The following TRAF3IP2 variants were observed in gnomAD, a reference collection of about 807,000 sequenced individuals.
The protein encoded by TRAF3IP2 is E3 ubiquitin ligase TRAF3IP2.
A neutral mutation model predicts 57.9 loss-of-function variants in TRAF3IP2; 35 were observed. That is an observed-to-expected ratio of 0.60 (90% CI 0.46 to 0.80). The LOEUF (loss-of-function observed/expected upper bound fraction) is 0.80, where lower values mean the gene tolerates loss of function less well. Among genes scored for constraint, TRAF3IP2 ranks in the 30% least tolerant of loss-of-function variants. The pLI, the probability that TRAF3IP2 is intolerant of heterozygous loss-of-function variation, is 0.00. For missense variants in TRAF3IP2, 556 were observed against 706.4 expected (o/e 0.79, Z 2.41); for synonymous variants, 251 against 268.9 (o/e 0.93, Z 0.65).
chr6:111,560,284 C>CA (rs764771623), intron 8 of TRAF3IP2, among the ~76,000 whole-genome samples: 15 of 152,268 alleles, frequency 9.9e-5, no homozygotes, highest in Admixed American at 3.3e-4. Flanking sequence ...TGTCTGGGTC[C>CA]AGGCAGATAG....
chr6:111,571,078 C>CT lies in TRAF3IP2; in HGVS notation c.1290+1816dup, dbSNP rs1279272695. ...CACACCACCATGCCAACTTTTTTTTCTTTTTTTTTTTTTTTGAGACAGAGC... is the reference window on the plus strand; with the variant it reads ...CACACCACCATGCCAACTTTTTTTTCTTTTTTTTTTTTTTTTGAGACAGAGC... On this transcript the variant is annotated intron_variant, in intron 5 of 8. Coordinates refer to ENST00000368761, the MANE Select transcript of TRAF3IP2 (RefSeq NM_147686.4). Among the ~76,000 whole-genome samples, 673 of 130,726 alleles carry CT rather than the reference C, an allele frequency of 5.1e-3. 5 individuals are homozygous for CT. The highest frequency in any genetic ancestry group is 0.011 in the African/African-American group (400 of 35,704). The allele number at this position is 130,726 out of a possible 152,430, so 85.8% of individuals were successfully genotyped here. A position where few individuals can be genotyped will look rare whatever the true frequency, so the allele number is the denominator to read the frequency against.
At chr6:111,589,071 CTTT>C (rs372254400) in intron 2 of TRAF3IP2, among the ~76,000 whole-genome samples, 2 of 123,138 alleles carry the variant, frequency 1.6e-5, no homozygotes, top group Non-Finnish European at 1.6e-5. Flanking sequence ...GAAAAATTAT[CTTT>C]TTTTTTTTTT....
chr6:111,593,462 C>G (rs930062717), intron 1 of TRAF3IP2, among the ~76,000 whole-genome samples: 1 of 152,214 alleles, frequency 6.6e-6, no homozygotes. Flanking sequence ...GCTCCCCTTT[C>G]ACACAGATGG....
intron 1 of TRAF3IP2, chr6:111,600,099 G>T (rs1796818217): frequency 6.6e-6 from 1 of 152,204 alleles, no homozygotes; most frequent in African/African-American, 2.4e-5. Flanking sequence ...TGAGGATAAA[G>T]AGTAGATGTA....
intron 7 of TRAF3IP2, among the ~76,000 whole-genome samples, chr6:111,564,953 G>T (rs2128370570): frequency 6.6e-6 from 1 of 152,294 alleles, no homozygotes; most frequent in South Asian, 2.1e-4. Flanking sequence ...ACAACCAAGG[G>T]CCGGCAGCAC....
intron 8 of TRAF3IP2, among the ~76,000 whole-genome samples, chr6:111,562,325 C>T (rs1023874359): frequency 6.6e-6 from 1 of 152,206 alleles, no homozygotes; most frequent in African/African-American, 2.4e-5. Flanking sequence ...AAAAACCATA[C>T]ACATCTTGAC....
intron 2 of TRAF3IP2, among the ~76,000 whole-genome samples, chr6:111,583,184 T>A (rs1024545431): frequency 1.3e-5 from 2 of 152,226 alleles, no homozygotes; most frequent in African/African-American, 4.8e-5. Context: ...CCAAGGATAG[T>A]ACTGGCACCC....
rs9487669 is a variant in TRAF3IP2, at chr6:111,558,883, A to G, written c.*522T>C. On this transcript the variant is annotated 3_prime_UTR_variant, in exon 9 of 9. Transcript: ENST00000368761. ...AGCTTTGTTGATGTCCCTGGAAGCAACTGCCCATATCATTATAAATTATAT... is the reference window on the plus strand; with the variant it reads ...AGCTTTGTTGATGTCCCTGGAAGCAGCTGCCCATATCATTATAAATTATAT... The G allele has an allele frequency of 0.058, 8,823 of 152,400 alleles. 451 individuals are homozygous for G. The highest frequency in any genetic ancestry group is 0.13 in the African/African-American group (5,529 of 41,544). 9.4% of individuals were successfully genotyped at this position (152,400 alleles called of 1,614,324 possible).
intron 4 of TRAF3IP2, among the ~76,000 whole-genome samples, chr6:111,575,287 A>G (rs956798414): frequency 2.0e-4 from 30 of 151,836 alleles, no homozygotes; most frequent in African/African-American, 4.6e-4. Flanking sequence ...AAAGTATAAG[A>G]CCTCACAAGA....
intron 5 of TRAF3IP2, among the ~76,000 whole-genome samples, chr6:111,571,039 T>C (rs1583221161): frequency 6.6e-6 from 1 of 151,890 alleles, no homozygotes; most frequent in African/African-American, 2.4e-5. Context: ...CCCAAGTAGC[T>C]GGGACTACAG....
At position 111,575,741 on chromosome 6, in the gene TRAF3IP2, T is replaced by C. The variant is rs1225274539; in HGVS notation, c.1103A>G (p.Gln368Arg). Residue 368 changes from glutamine to arginine, a missense_variant, in exon 4 of 9, where the codon CAG becomes CGG. Gln to Arg is a conservative substitution (Grantham distance 43, BLOSUM62 1). Coordinates refer to ENST00000368761, the MANE Select transcript of TRAF3IP2 (RefSeq NM_147686.4). Reference protein sequence around the residue: ...SLECPAELRPQVPQPPSPAAV... With the variant: ...SLECPAELRPRVPQPPSPAAV... The stretch of plus-strand genomic sequence containing the variant: ...AGCTGGGGACGGAGGCTGGGGAACC[T>C]GTGGTCTCAGCTCTGCAGGGCACTC... The C allele has an allele frequency of 1.2e-6, 2 of 1,612,458 alleles. No individual in the cohort carries two copies. Among genetic ancestry groups the C allele is most frequent in the Middle Eastern group, 1.7e-4 (1 of 5,838 alleles).
Position 111,579,381 on chromosome 6 carries a change from T to G in TRAF3IP2, c.1022+816A>C, listed in dbSNP as rs1220193839. ...CAACTGAAGTCATGAAAATACGGAGTTAAGCATAGGAGAGACCTAATAATG... is the reference window on the plus strand; with the variant it reads ...CAACTGAAGTCATGAAAATACGGAGGTAAGCATAGGAGAGACCTAATAATG... On this transcript the variant is annotated intron_variant, in intron 3 of 8. Coordinates refer to ENST00000368761, the MANE Select transcript of TRAF3IP2 (RefSeq NM_147686.4). 2.1e-5 allele frequency among the ~76,000 whole-genome samples: 3 copies of G among 144,832 alleles called. No individual in the cohort carries two copies. The East Asian group carries it at 6.2e-4, about 30-fold the overall frequency.
chr6:111,594,472 A>C (rs1184326860), intron 1 of TRAF3IP2: 4 of 450,204 alleles, frequency 8.9e-6, no homozygotes, highest in African/African-American at 8.1e-5. Flanking sequence ...GCGCTTTTCT[A>C]CCTAAAGAAA....
At chr6:111,564,681 A>G (rs945067163) in intron 7 of TRAF3IP2, among the ~76,000 whole-genome samples, 1 of 152,212 alleles carries the variant, frequency 6.6e-6, no homozygotes, top group African/African-American at 2.4e-5. Flanking sequence ...TATGATGAGT[A>G]AGGGCCCAAG....
intron 8 of TRAF3IP2, 21 bp downstream of exon 8, chr6:111,562,944 T>A (rs375694054): frequency 2.7e-5 from 42 of 1,577,370 alleles, no homozygotes; most frequent in Non-Finnish European, 3.5e-5. Flanking sequence ...TTATGAGGAT[T>A]TTGTTTCTTT....
rs1197759266 is a variant in TRAF3IP2, at chr6:111,580,374, G to A, written c.845C>T (p.Pro282Leu). The A allele has an allele frequency of 1.3e-6, 2 of 1,557,318 alleles. No individual in the cohort carries two copies. Among genetic ancestry groups the A allele is most frequent in the African/African-American group, 1.4e-5 (1 of 72,640 alleles). The stretch of plus-strand genomic sequence containing the variant: ...GATCACTTGCTGGTAGGCTGCTCGA[G>A]GGTAGTCATGGCCATCTGTAGGTGA... The part of the protein sequence containing the change: ...DHQVPYGHDY[P>L]RAAYQQVIQP... Residue 282 changes from proline (P) to leucine (L), a missense_variant, in exon 3 of 9, where the codon CCT becomes CTT. Coordinates refer to ENST00000368761, the MANE Select transcript of TRAF3IP2 (RefSeq NM_147686.4).
At chr6:111,571,561 T>C (rs1277372073) in intron 5 of TRAF3IP2, among the ~76,000 whole-genome samples, 1 of 152,216 alleles carries the variant, frequency 6.6e-6, no homozygotes, top group Non-Finnish European at 1.5e-5. Flanking sequence ...TATTAGTCTC[T>C]ATATAATTAT....
chr6:111,591,775 T>C lies in TRAF3IP2; in HGVS notation c.312A>G (p.Lys104=), dbSNP rs2128382321. The stretch of plus-strand genomic sequence containing the variant: ...CTGCAGAGCACCCAGAAGGGAAAGC[T>C]TTGCCCAGGCCTGGGTGTCTCCTGC... ...SFCRRHPGLG[K]AFPSGCSAVS... Residue 104 remains lysine, a synonymous_variant, in exon 2 of 9, where the codon AAA becomes AAG. Coordinates refer to ENST00000368761, the MANE Select transcript of TRAF3IP2 (RefSeq NM_147686.4). This position sits in a 1 kb window ranked among gnomAD's most constrained non-coding sequence, Gnocchi z 4.9. 6.2e-7 allele frequency: 1 copy of C among 1,614,168 alleles called. No homozygotes were observed. The highest frequency in any genetic ancestry group is 8.5e-7 in the Non-Finnish European group (1 of 1,180,028).
intron 8 of TRAF3IP2, among the ~76,000 whole-genome samples, 156 bp downstream of exon 8, chr6:111,562,809 C>T (rs182453858): frequency 1.3e-5 from 2 of 149,626 alleles, no homozygotes; most frequent in Admixed American, 1.3e-4. Context: ...CACGCCATTG[C>T]ACTCCAGGCT....
Sources: allele counts gnomAD v4.1 joint callset (sites outside exome capture counted in the v4.1 genomes callset), GRCh38; gene constraint gnomAD v4.1.1; non-coding constraint Gnocchi (gnomAD v3.1); transcripts MANE v1.5; gene names NCBI Gene and HGNC (gene_info 2026-07-23, HGNC 2026-07-21).